Variants in RAPGEF5 observed in about 807,000 individuals in gnomAD.
RAPGEF5 encodes the protein M-Ras-regulated GEF.
A neutral mutation model predicts 125.2 loss-of-function variants in RAPGEF5; 65 were observed. That is an observed-to-expected ratio of 0.52 (90% confidence interval 0.43 to 0.64). The LOEUF (loss-of-function observed/expected upper bound fraction) is 0.64. RAPGEF5 is among the 30% of genes least tolerant of loss of function. The pLI is 0.00. For synonymous variants in RAPGEF5, 391 were observed against 385.9 expected (o/e 1.01, Z -0.16); for missense variants, 958 against 1,048.1 (o/e 0.91, Z 1.19).
At chr7:22,322,959 C>T (rs188521684) in intron 1 of RAPGEF5, among the ~76,000 whole-genome samples, 2 of 152,336 alleles carry the variant, frequency 1.3e-5, no homozygotes, top group Non-Finnish European at 2.9e-5. Context: ...GCTCAGACAT[C>T]GCCTCCTGCA....
At chr7:22,341,805 C>T (rs375701883) in intron 1 of RAPGEF5, among the ~76,000 whole-genome samples, 1 of 152,368 alleles carries the variant, frequency 6.6e-6, no homozygotes, top group South Asian at 2.1e-4. Flanking sequence ...GGCAGCTCCA[C>T]CCCTGTGGCT....
intron 7 of RAPGEF5, among the ~76,000 whole-genome samples, chr7:22,234,789 C>T (rs1233939438): frequency 6.6e-6 from 1 of 151,980 alleles, no homozygotes; most frequent in East Asian, 1.9e-4. Context: ...GTTTTCTCTC[C>T]CCAGGACTTA....
intron 6 of RAPGEF5, among the ~76,000 whole-genome samples, chr7:22,287,576 A>C (rs113944220): frequency 0.026 from 3,962 of 152,278 alleles, 156 homozygotes; most frequent in African/African-American, 0.089. Context: ...CAATACCCCC[A>C]AAAACACAGA....
At chr7:22,173,228 A>T (rs192797193) in intron 11 of RAPGEF5, among the ~76,000 whole-genome samples, 24 of 152,300 alleles carry the variant, frequency 1.6e-4, no homozygotes, top group African/African-American at 5.8e-4. Flanking sequence ...CACAAATAAA[A>T]TTTTTTTCAT....
intron 8 of RAPGEF5, 81 bp from the exon 9 acceptor site, chr7:22,220,072 A>G (rs767487648): frequency 8.9e-5 from 134 of 1,504,394 alleles, no homozygotes; most frequent in Non-Finnish European, 1.1e-4. Flanking sequence ...TCACCTTATA[A>G]TAAGCTCATC....
chr7:22,202,879 C>T, intron 9 of RAPGEF5: 1 of 325,880 alleles, frequency 3.1e-6, no homozygotes, highest in South Asian at 2.4e-5. Flanking sequence ...CCTTATAGAC[C>T]CAGTTGAATA....
intron 1 of RAPGEF5, among the ~76,000 whole-genome samples, chr7:22,321,534 T>C (rs1014951397): frequency 3.3e-5 from 5 of 152,208 alleles, no homozygotes; most frequent in African/African-American, 7.2e-5. Flanking sequence ...CTTAGGCTAC[T>C]AAGGGGTGAG....
At chr7:22,339,150 T>C (rs889963595) in intron 1 of RAPGEF5, among the ~76,000 whole-genome samples, 11 of 152,214 alleles carry the variant, frequency 7.2e-5, no homozygotes, top group South Asian at 2.1e-4. Context: ...CTTCAGTAAA[T>C]ACACTGTGCA....
At chr7:22,266,178 T>G (rs963752959) in intron 7 of RAPGEF5, among the ~76,000 whole-genome samples, 6 of 152,188 alleles carry the variant, frequency 3.9e-5, no homozygotes, top group Non-Finnish European at 7.4e-5. Context: ...TCAAGTTTGG[T>G]CATCACTTTG....
chr7:22,233,267 G>A (rs1447037502), intron 7 of RAPGEF5, among the ~76,000 whole-genome samples: 2 of 152,170 alleles, frequency 1.3e-5, no homozygotes, highest in African/African-American at 4.8e-5. Context: ...TGGAGGGCAA[G>A]CTGATCATAT....
At chr7:22,276,031 A>C (rs902063259) in intron 6 of RAPGEF5, among the ~76,000 whole-genome samples, 2 of 152,220 alleles carry the variant, frequency 1.3e-5, no homozygotes, top group Non-Finnish European at 2.9e-5. Flanking sequence ...TCTGATTGGT[A>C]ATTTCTCTGA....
intron 9 of RAPGEF5, among the ~76,000 whole-genome samples, chr7:22,194,953 C>T (rs555909569): frequency 3.3e-5 from 5 of 152,242 alleles, no homozygotes; most frequent in South Asian, 4.1e-4. Context: ...TACGGTAGCC[C>T]GGGAGAAAGG....
At chr7:22,188,472 TA>T (rs1433023674) in intron 11 of RAPGEF5, among the ~76,000 whole-genome samples, 1 of 151,968 alleles carries the variant, frequency 6.6e-6, no homozygotes, top group Non-Finnish European at 1.5e-5. Context: ...GTGCAATGCT[TA>T]AAAAACATCA....
At chr7:22,213,027 G>A (rs977597172) in intron 9 of RAPGEF5, among the ~76,000 whole-genome samples, 2 of 152,172 alleles carry the variant, frequency 1.3e-5, no homozygotes, top group Non-Finnish European at 2.9e-5. Flanking sequence ...GATAACATGA[G>A]TTTGATAAAT....
intron 11 of RAPGEF5, among the ~76,000 whole-genome samples, chr7:22,181,417 C>A (rs1009451196): frequency 6.6e-6 from 1 of 152,082 alleles, no homozygotes; most frequent in Non-Finnish European, 1.5e-5. Context: ...GCCAGGTATG[C>A]AATGGAGAAT....
intron 11 of RAPGEF5, among the ~76,000 whole-genome samples, chr7:22,179,572 G>A (rs1784610930): frequency 6.6e-6 from 1 of 152,156 alleles, no homozygotes. Flanking sequence ...CTACTGGGCT[G>A]CATTCCCAGA....
intron 9 of RAPGEF5, among the ~76,000 whole-genome samples, chr7:22,212,514 G>A (rs186145010): frequency 2.9e-4 from 44 of 152,354 alleles, no homozygotes; most frequent in African/African-American, 9.1e-4. Flanking sequence ...TATCAGGGCA[G>A]TCCTTCAGGA....
intron 6 of RAPGEF5, among the ~76,000 whole-genome samples, chr7:22,269,067 T>C (rs1274765164): frequency 6.6e-6 from 1 of 151,442 alleles, no homozygotes; most frequent in African/African-American, 2.4e-5. Flanking sequence ...ATTACTGTAC[T>C]GTACTACACT....
chr7:22,315,432 A>G lies in RAPGEF5; in HGVS notation c.327T>C (p.Asn109=). The G allele has an allele frequency of 2.0e-6, 3 of 1,533,710 alleles. No individual in the cohort carries two copies. Among genetic ancestry groups the G allele is most frequent in the Admixed American group, 2.1e-5 (1 of 47,652 alleles). ...NSSCAGRALR[N]IIIVQAADLI... ...GGTCAGCTGCTTGAACGATAATAATATTCCTCAATGCTCTTCCTGCACAAG... is the reference window on the plus strand; with the variant it reads ...GGTCAGCTGCTTGAACGATAATAATGTTCCTCAATGCTCTTCCTGCACAAG... The change falls in exon 3 of 26, where the codon AAT becomes AAC. Residue 109 remains asparagine, a synonymous_variant. Transcript: ENST00000665637.
Sources: allele counts gnomAD v4.1 joint callset (sites outside exome capture counted in the v4.1 genomes callset), GRCh38; gene constraint gnomAD v4.1.1; transcripts MANE v1.5; gene names NCBI Gene and HGNC (gene_info 2026-07-23, HGNC 2026-07-21).